PTPN4: variants seen among roughly 807,000 people sequenced by gnomAD.
PTPN4 encodes the protein protein tyrosine phosphatase non-receptor type 4, also known as tyrosine-protein phosphatase non-receptor type 4.
PTPN4 carries 49 observed loss-of-function variants against 135.5 expected under a neutral mutation model. That is an observed-to-expected ratio of 0.36 (90% CI 0.29 to 0.46). The LOEUF (loss-of-function observed/expected upper bound fraction) is 0.46, where lower values mean the gene tolerates loss of function less well. Among genes scored for constraint, PTPN4 ranks in the 20% least tolerant of loss-of-function variants. PTPN4 has a pLI of 1.00. For missense variants in PTPN4, 860 were observed against 1,101.0 expected, an observed-to-expected ratio of 0.78 and a Z score of 3.10; for synonymous variants, 333 against 369.9, an observed-to-expected ratio of 0.90 and a Z score of 1.14.
At chr2:119,779,784 C>A (rs1198630375) in intron 1 of PTPN4, among the ~76,000 whole-genome samples, 1 of 152,116 alleles carries the variant, frequency 6.6e-6, no homozygotes, top group Non-Finnish European at 1.5e-5. Context: ...CTCTCTTTGT[C>A]TCCCAGGAGA....
chr2:119,874,750 A>G (rs547090269), intron 3 of PTPN4, among the ~76,000 whole-genome samples: 1 of 152,298 alleles, frequency 6.6e-6, no homozygotes, highest in East Asian at 1.9e-4. Context: ...TACATGTTAA[A>G]ATGGTAAATT....
intron 3 of PTPN4, among the ~76,000 whole-genome samples, chr2:119,866,058 G>A (rs150023606): frequency 3.6e-4 from 54 of 152,044 alleles, no homozygotes; most frequent in African/African-American, 1.3e-3. Context: ...TTAGCTTTTA[G>A]CATAATATCT....
At chr2:119,909,601 C>T (rs1369249764) in intron 10 of PTPN4, among the ~76,000 whole-genome samples, 3 of 152,050 alleles carry the variant, frequency 2.0e-5, no homozygotes, top group Non-Finnish European at 4.4e-5. Context: ...ACTTTCAAAT[C>T]TTTTTTAAGA....
chr2:119,953,677 G>C (rs1482756622), intron 19 of PTPN4, among the ~76,000 whole-genome samples: 1 of 151,898 alleles, frequency 6.6e-6, no homozygotes, highest in Non-Finnish European at 1.5e-5. Flanking sequence ...TTAGCTAATA[G>C]TTATTAAAAA....
intron 18 of PTPN4, among the ~76,000 whole-genome samples, chr2:119,950,017 A>G (rs1679189486): frequency 6.6e-6 from 1 of 152,202 alleles, no homozygotes; most frequent in Non-Finnish European, 1.5e-5. Context: ...ATTGTAACAT[A>G]TCTGACAAAA....
chr2:119,805,737 T>C (rs1173624130), intron 1 of PTPN4, among the ~76,000 whole-genome samples: 3 of 152,194 alleles, frequency 2.0e-5, no homozygotes, highest in African/African-American at 7.2e-5. Context: ...TTTGTTCTTT[T>C]TGCTTAGGAT....
chr2:119,792,434 A>C (rs1411418324), intron 1 of PTPN4, among the ~76,000 whole-genome samples: 2 of 152,190 alleles, frequency 1.3e-5, no homozygotes, highest in Non-Finnish European at 2.9e-5. Context: ...ACTGGTTATC[A>C]CTGTTCTTTT....
chr2:119,799,151 A>G (rs771390873), intron 1 of PTPN4, among the ~76,000 whole-genome samples: 1 of 152,226 alleles, frequency 6.6e-6, no homozygotes, highest in African/African-American at 2.4e-5. Flanking sequence ...ATTGGAAACT[A>G]GGATGACTTA....
At chr2:119,827,962 G>A (rs1374822103) in intron 2 of PTPN4, among the ~76,000 whole-genome samples, 1 of 152,180 alleles carries the variant, frequency 6.6e-6, no homozygotes, top group Non-Finnish European at 1.5e-5. Context: ...CTCACCCCTT[G>A]AATCTTGGCT....
chr2:119,803,014 A>G (rs1204438250), intron 1 of PTPN4, among the ~76,000 whole-genome samples: 8 of 152,158 alleles, frequency 5.3e-5, no homozygotes, highest in East Asian at 1.9e-4. Context: ...TACCATTTCA[A>G]TGGTTGCAAA....
chr2:119,832,857 A>C (rs1047266775), intron 2 of PTPN4, among the ~76,000 whole-genome samples: 3 of 152,116 alleles, frequency 2.0e-5, no homozygotes, highest in African/African-American at 7.2e-5. Context: ...TTCCCTCTTG[A>C]ATTAGAATCA....
In PTPN4 at chr2:119,940,338, A is replaced by G. The variant is rs114565556; in HGVS notation, c.1356-4743A>G. On this transcript the variant is annotated intron_variant, in intron 15 of 26. Transcript: ENST00000263708. ...AATTTTGAATCAGAATTTTATCTGT[A>G]TCTAATGTAATATAAGTAGAGTATA... Among the ~76,000 whole-genome samples, 955 of 152,338 alleles carry G rather than the reference A, an allele frequency of 6.3e-3. 4 individuals carry two copies. The highest frequency in any genetic ancestry group is 0.014 in the Admixed American group (214 of 15,302).
At chr2:119,800,050 A>T (rs1325899050) in intron 1 of PTPN4, among the ~76,000 whole-genome samples, 2 of 152,178 alleles carry the variant, frequency 1.3e-5, no homozygotes, top group East Asian at 1.9e-4. Flanking sequence ...GGGAGATAAT[A>T]CCTTATTAAA....
chr2:119,857,800 T>C (rs1677703999), intron 2 of PTPN4, among the ~76,000 whole-genome samples: 1 of 152,182 alleles, frequency 6.6e-6, no homozygotes, highest in Non-Finnish European at 1.5e-5. Flanking sequence ...TTTTGTTTGT[T>C]TGTTTGTTTA....
In PTPN4 at chr2:119,960,879, G is replaced by A. The variant is rs1679355698; in HGVS notation, c.2206G>A (p.Asp736Asn). Reference sequence around the variant, plus strand: ...AGGGCCATTACCACACACTTGTACAGATTTTTGGCAGATGACTTGGGAACA... The same window carrying A: ...AGGGCCATTACCACACACTTGTACAAATTTTTGGCAGATGACTTGGGAACA... The part of the protein sequence containing the change: ...CQGPLPHTCT[D>N]FWQMTWEQGS... The change falls in exon 23 of 27, where the codon GAT (aspartate) becomes AAT (asparagine). Residue 736 changes from aspartate to asparagine, a missense_variant. Asp to Asn is a conservative substitution (Grantham distance 23, BLOSUM62 1). Coordinates refer to ENST00000263708, the MANE Select transcript of PTPN4 (RefSeq NM_002830.4). 6.2e-7 allele frequency: 1 copy of A among 1,613,962 alleles called. No individual in the cohort carries two copies. The highest frequency in any genetic ancestry group is 8.5e-7 in the Non-Finnish European group (1 of 1,179,926).
chr2:119,831,833 C>T (rs1244305093), intron 2 of PTPN4, among the ~76,000 whole-genome samples: 1 of 152,016 alleles, frequency 6.6e-6, no homozygotes. Flanking sequence ...ATTTGAATTC[C>T]TACAGAGAGG....
chr2:119,806,633 C>T (rs1483719894), intron 1 of PTPN4, among the ~76,000 whole-genome samples: 1 of 152,170 alleles, frequency 6.6e-6, no homozygotes, highest in Non-Finnish European at 1.5e-5. Flanking sequence ...TAATGGAAGA[C>T]TTTAACACCC....
intron 20 of PTPN4, among the ~76,000 whole-genome samples, chr2:119,956,595 G>T (rs1264635088): frequency 6.6e-6 from 1 of 152,186 alleles, no homozygotes; most frequent in Non-Finnish European, 1.5e-5. Context: ...TGCTCCTGCT[G>T]TAAGCAGAAT....
At chr2:119,965,334 G>A (rs780008687) in intron 24 of PTPN4, among the ~76,000 whole-genome samples, 163 bp from the exon 25 acceptor site, 12 of 152,162 alleles carry the variant, frequency 7.9e-5, no homozygotes, top group Non-Finnish European at 1.5e-4. Context: ...ATGAGGACGC[G>A]GGTCAGAGAG....
Sources: gnomAD v4.1 joint callset for allele counts (sites outside exome capture counted in the v4.1 genomes callset) on GRCh38, gnomAD v4.1.1 for gene constraint, MANE v1.5 for transcripts, NCBI Gene and HGNC (gene_info 2026-07-23, HGNC 2026-07-21) for gene names.